DLG2: variants seen among roughly 807,000 people sequenced by gnomAD.
DLG2 encodes the protein disks large homolog 2.
A neutral mutation model predicts 132.5 loss-of-function variants in DLG2; 45 were observed. The observed-to-expected ratio is 0.34, with a 90% CI of 0.27 to 0.44. The LOEUF is 0.44. Ranked by LOEUF, DLG2 falls within the 20% of genes least tolerant of loss-of-function variation. The pLI is 1.00. For synonymous variants in DLG2, 424 were observed against 419.6 expected (o/e 1.01, Z -0.13); for missense variants, 1,045 against 1,196.9 (o/e 0.87, Z 1.87).
At chr11:84,401,538 G>A (rs899021857) in intron 7 of DLG2, among the ~76,000 whole-genome samples, 1 of 152,016 alleles carries the variant, frequency 6.6e-6, no homozygotes, top group Admixed American at 6.6e-5. Context: ...TATTGTCAAA[G>A]CAGCTTCATT....
At chr11:83,864,995 G>A (rs1477526603) in intron 16 of DLG2, among the ~76,000 whole-genome samples, 2 of 152,096 alleles carry the variant, frequency 1.3e-5, no homozygotes, top group Non-Finnish European at 1.5e-5. Flanking sequence ...TTATTTATAA[G>A]CAGTTCAATC....
At chr11:85,582,316 G>T (rs751196965) in intron 3 of DLG2, among the ~76,000 whole-genome samples, 7 of 151,980 alleles carry the variant, frequency 4.6e-5, no homozygotes, top group South Asian at 4.2e-4. Flanking sequence ...AGTGGTAAGT[G>T]GTGGTCAGAG....
chr11:85,121,465 T>C (rs1211750106), intron 5 of DLG2, among the ~76,000 whole-genome samples: 3 of 151,840 alleles, frequency 2.0e-5, no homozygotes, highest in Non-Finnish European at 4.4e-5. Flanking sequence ...CACTAAGAAA[T>C]TAAATGAACA....
chr11:83,675,689 T>A (rs2077559818), intron 18 of DLG2, among the ~76,000 whole-genome samples: 1 of 152,234 alleles, frequency 6.6e-6, no homozygotes, highest in South Asian at 2.1e-4. Context: ...ACTTTAGGTT[T>A]TCTGTTCCTT....
intron 8 of DLG2, among the ~76,000 whole-genome samples, chr11:84,237,361 G>C (rs956518212): frequency 2.0e-5 from 3 of 152,284 alleles, no homozygotes; most frequent in Admixed American, 6.5e-5. Flanking sequence ...TCCTGAGATT[G>C]TCTTTAAAGA....
chr11:84,034,674 T>G (rs1348833159), intron 11 of DLG2, among the ~76,000 whole-genome samples: 1 of 152,140 alleles, frequency 6.6e-6, no homozygotes, highest in Non-Finnish European at 1.5e-5. Flanking sequence ...AGAGTAAATT[T>G]GCATCCAGTG....
At chr11:84,924,350 T>C (rs1451764548) in intron 6 of DLG2, among the ~76,000 whole-genome samples, 2 of 152,198 alleles carry the variant, frequency 1.3e-5, no homozygotes, top group Non-Finnish European at 2.9e-5. Context: ...AAAGTGGTTA[T>C]GTCTTTGCCA....
chr11:84,206,959 T>C (rs995149103), intron 8 of DLG2, among the ~76,000 whole-genome samples: 1 of 151,946 alleles, frequency 6.6e-6, no homozygotes, highest in African/African-American at 2.4e-5. Context: ...TAAAAAGTTA[T>C]TTGCATGTAT....
intron 8 of DLG2, among the ~76,000 whole-genome samples, chr11:84,188,268 T>C (rs1209595615): frequency 6.6e-6 from 1 of 152,196 alleles, no homozygotes; most frequent in Admixed American, 6.6e-5. Flanking sequence ...CTTGTCCATC[T>C]AAAAATCTGA....
intron 15 of DLG2, among the ~76,000 whole-genome samples, chr11:83,887,970 A>T (rs889390285): frequency 4.3e-5 from 6 of 138,404 alleles, no homozygotes; most frequent in African/African-American, 1.1e-4. Context: ...AGAGCTATCT[A>T]TGACAAACCC....
chr11:85,267,100 T>A (rs1282894853), intron 4 of DLG2, among the ~76,000 whole-genome samples: 1 of 152,162 alleles, frequency 6.6e-6, no homozygotes, highest in African/African-American at 2.4e-5. Context: ...CAATTCCCAA[T>A]GTGATGTTAT....
intron 6 of DLG2, among the ~76,000 whole-genome samples, chr11:84,932,940 T>C (rs2048276872): frequency 6.6e-6 from 1 of 152,328 alleles, no homozygotes; most frequent in African/African-American, 2.4e-5. Context: ...ATCACCGTAA[T>C]ATCTTCCACA....
At chr11:85,049,433 C>T (rs1484744579) in intron 6 of DLG2, among the ~76,000 whole-genome samples, 1 of 141,556 alleles carries the variant, frequency 7.1e-6, no homozygotes. Context: ...CAAGTATTTG[C>T]TATATCATTA....
At chr11:83,466,676 T>C (rs1227687412) in intron 26 of DLG2, 32 bp downstream of exon 26, 3 of 1,265,486 alleles carry the variant, frequency 2.4e-6, no homozygotes, top group South Asian at 1.2e-5. Context: ...AGGGAGTCAG[T>C]TGGATGAAGG....
chr11:84,297,129 T>A (rs12789399), intron 7 of DLG2, among the ~76,000 whole-genome samples: 20 of 123,042 alleles, frequency 1.6e-4, no homozygotes, highest in African/African-American at 2.1e-4. Context: ...TCAAAGAATT[T>A]GAAAAAAAAA....
chr11:84,822,207 G>A (rs1028925833), intron 6 of DLG2, among the ~76,000 whole-genome samples: 1 of 151,758 alleles, frequency 6.6e-6, no homozygotes. Flanking sequence ...GTGGCAAAGT[G>A]TTTTCAATTA....
chr11:84,646,307 G>C (rs1295018643), intron 6 of DLG2, among the ~76,000 whole-genome samples: 1 of 147,536 alleles, frequency 6.8e-6, no homozygotes, highest in Non-Finnish European at 1.5e-5. Flanking sequence ...GACCACCTCC[G>C]TGGCTGTAAA....
intron 4 of DLG2, among the ~76,000 whole-genome samples, chr11:85,247,056 T>C (rs1387382678): frequency 6.7e-6 from 1 of 150,290 alleles, no homozygotes; most frequent in African/African-American, 2.5e-5. Flanking sequence ...GTTGATAAAA[T>C]TTAATGTTCA....
intron 3 of DLG2, among the ~76,000 whole-genome samples, chr11:85,459,654 A>T (rs1251370412): frequency 1.3e-5 from 2 of 152,122 alleles, no homozygotes; most frequent in Non-Finnish European, 2.9e-5. Context: ...TAGTGGCTGT[A>T]GTGTGCTGGA....
Sources: gnomAD v4.1 joint callset for allele counts (sites outside exome capture counted in the v4.1 genomes callset) on GRCh38, gnomAD v4.1.1 for gene constraint, MANE v1.5 for transcripts, NCBI Gene and HGNC (gene_info 2026-07-23, HGNC 2026-07-21) for gene names.